Variants in PRCP observed in about 807,000 individuals in gnomAD.
The protein encoded by PRCP is lysosomal Pro-X carboxypeptidase.
In PRCP, 46 loss-of-function variants were observed where a neutral mutation model predicts 54.2. That is an observed-to-expected ratio of 0.85 (90% CI 0.67 to 1.09). The LOEUF (loss-of-function observed/expected upper bound fraction) is 1.09, where lower values mean the gene tolerates loss of function less well. PRCP is among the 50% of genes least tolerant of loss of function. The pLI, the probability that PRCP is intolerant of heterozygous loss-of-function variation, is 0.00. For missense variants in PRCP, 613 were observed against 596.8 expected (o/e 1.03, Z -0.28); for synonymous variants, 240 against 212.2 (o/e 1.13, Z -1.14).
At chr11:82,883,661 A>G (rs1018054083) in intron 1 of PRCP, among the ~76,000 whole-genome samples, 1 of 152,190 alleles carries the variant, frequency 6.6e-6, no homozygotes. Context: ...ACGTAAAAAT[A>G]AATTCACAAC....
intron 1 of PRCP, among the ~76,000 whole-genome samples, chr11:82,893,778 G>A (rs1860055836): frequency 6.6e-6 from 1 of 152,118 alleles, no homozygotes; most frequent in Non-Finnish European, 1.5e-5. Context: ...GAGTGACAGA[G>A]CAAGATCCTG....
chr11:82,833,716 T>C (rs1184436099), intron 8 of PRCP, among the ~76,000 whole-genome samples: 2 of 152,198 alleles, frequency 1.3e-5, no homozygotes, highest in African/African-American at 4.8e-5. Flanking sequence ...TTTGATGGGC[T>C]AACTCTTTTA....
At position 82,839,316 on chromosome 11, in the gene PRCP, A is replaced by G; in HGVS notation, c.1031T>C (p.Leu344Pro). ...GCTAGTTGCTGTCTCTGAAATATTC[A>G]GGCATTTCACCTGGCCCGAATAATT... ...YYNYSGQVKC[L>P]NISETATSSL... The change falls in exon 7 of 9, where the codon CTG (leucine) becomes CCG (proline). Residue 344 changes from leucine (L) to proline (P), a missense_variant. By Grantham distance (98) the Leu-to-Pro change is moderately conservative. Coordinates refer to ENST00000313010, the MANE Select transcript of PRCP (RefSeq NM_005040.4). 1 of 1,614,046 alleles carries G rather than the reference A, an allele frequency of 6.2e-7. No individual in the cohort carries two copies. The highest frequency in any genetic ancestry group is 1.1e-5 in the South Asian group (1 of 91,052).
intron 1 of PRCP, among the ~76,000 whole-genome samples, chr11:82,869,936 A>G (rs993503326): frequency 1.3e-5 from 2 of 152,264 alleles, no homozygotes; most frequent in African/African-American, 4.8e-5. Context: ...GGAAGCAGGA[A>G]ATGCATGCCT....
upstream of PRCP, chr11:82,900,562 C>A (rs1860258153): frequency 2.0e-6 from 2 of 986,584 alleles, no homozygotes; most frequent in East Asian, 2.6e-5. Context: ...GCCGCCCAAG[C>A]CAGGTCACCA....
chr11:82,837,716 A>G (rs1484888038), intron 8 of PRCP, among the ~76,000 whole-genome samples: 3 of 152,242 alleles, frequency 2.0e-5, no homozygotes, highest in African/African-American at 7.2e-5. Flanking sequence ...TTGAAGTCCC[A>G]GTCAGATACA....
intron 8 of PRCP, chr11:82,835,997 C>A (rs1858515764): frequency 7.4e-6 from 2 of 270,850 alleles, no homozygotes; most frequent in South Asian, 7.6e-5. Flanking sequence ...TCAAGACCAT[C>A]CTGGCTAACA....
intron 3 of PRCP, among the ~76,000 whole-genome samples, chr11:82,850,930 C>G (rs1239069190): frequency 2.6e-5 from 4 of 152,134 alleles, no homozygotes; most frequent in African/African-American, 4.8e-5. Context: ...ACTCACCCTT[C>G]TTCATCGGAA....
chr11:82,826,965 C>T (rs1858250967), intron 8 of PRCP: 1 of 152,192 alleles, frequency 6.6e-6, no homozygotes, highest in Non-Finnish European at 1.5e-5. Context: ...AAAACTGGCA[C>T]TGAAATACCT....
rs543788159 is a variant in PRCP, at chr11:82,898,830, ACTCAAATGT to A, written c.168+1396_168+1404del. ...TGTTTTCTCTTCCTCATAAACTTGA[ACTCAAATGT>A]CTGGGTTAAAAATTGTTTCTTGGCT... On this transcript the variant is annotated intron_variant, in intron 1 of 8. Coordinates refer to ENST00000313010, the MANE Select transcript of PRCP (RefSeq NM_005040.4). Among the ~76,000 whole-genome samples, 1,285 of 152,264 alleles carry A rather than the reference ACTCAAATGT, an allele frequency of 8.4e-3. 17 individuals carry two copies. The highest frequency in any genetic ancestry group is 0.03 in the African/African-American group (1,231 of 41,548).
At chr11:82,888,845 G>C (rs1404284475) in intron 1 of PRCP, among the ~76,000 whole-genome samples, 2 of 152,150 alleles carry the variant, frequency 1.3e-5, no homozygotes, top group East Asian at 3.8e-4. Context: ...AGAAGGAGGG[G>C]GAAAGATAGA....
At chr11:82,868,206 C>A (rs1859387379) in intron 1 of PRCP, among the ~76,000 whole-genome samples, 1 of 151,976 alleles carries the variant, frequency 6.6e-6, no homozygotes, top group South Asian at 2.1e-4. Context: ...AATTCAAAAG[C>A]AGATTGATAA....
intron 3 of PRCP, among the ~76,000 whole-genome samples, chr11:82,852,622 C>T (rs536230312): frequency 7.9e-5 from 12 of 152,250 alleles, no homozygotes; most frequent in African/African-American, 2.9e-4. Flanking sequence ...ACATGAATGA[C>T]TCAGTTGAAG....
At chr11:82,832,910 G>A (rs769999148) in intron 8 of PRCP, among the ~76,000 whole-genome samples, 2 of 152,174 alleles carry the variant, frequency 1.3e-5, no homozygotes, top group Non-Finnish European at 2.9e-5. Context: ...AGAAAAGTAG[G>A]AGAATTTTGA....
intron 8 of PRCP, chr11:82,835,953 G>A (rs1262110467): frequency 6.5e-6 from 2 of 306,244 alleles, no homozygotes; most frequent in Non-Finnish European, 1.3e-5. Context: ...AGCAATTTGG[G>A]AGGCCGAGTC....
intron 1 of PRCP, among the ~76,000 whole-genome samples, chr11:82,867,304 C>T (rs987821931): frequency 7.9e-5 from 12 of 152,330 alleles, no homozygotes; most frequent in African/African-American, 2.6e-4. Context: ...ACCTTTCTTT[C>T]CTCAAACCAA....
At chr11:82,882,137 G>A (rs1270028951) in intron 1 of PRCP, among the ~76,000 whole-genome samples, 2 of 152,106 alleles carry the variant, frequency 1.3e-5, no homozygotes, top group Non-Finnish European at 2.9e-5. Flanking sequence ...GGAGGAGAAA[G>A]AGGAGGGGTT....
chr11:82,882,494 C>CTTTT (rs766453104), intron 1 of PRCP, among the ~76,000 whole-genome samples: 5 of 127,818 alleles, frequency 3.9e-5, no homozygotes, highest in Non-Finnish European at 6.6e-5. Context: ...TGAGCCAGTT[C>CTTTT]TTTTTTTTTT....
chr11:82,829,843 G>A (rs1858334253), intron 8 of PRCP: 1 of 152,196 alleles, frequency 6.6e-6, no homozygotes, highest in Non-Finnish European at 1.5e-5. Context: ...ATACACGTAT[G>A]CAAGTTCATA....
Sources: allele counts gnomAD v4.1 joint callset (sites outside exome capture counted in the v4.1 genomes callset), GRCh38; gene constraint gnomAD v4.1.1; transcripts MANE v1.5; gene names NCBI Gene and HGNC (gene_info 2026-07-23, HGNC 2026-07-21).